Variants in SLC9A8 observed in about 807,000 individuals in gnomAD.
SLC9A8 encodes solute carrier family 9 member A8.
In SLC9A8, 48 loss-of-function variants were observed where a neutral mutation model predicts 66.6. The ratio of observed to expected loss-of-function variants is 0.72; its 90% CI spans 0.57 to 0.92. The LOEUF is 0.92. Ranked by LOEUF, SLC9A8 falls within the 40% of genes least tolerant of loss-of-function variation. SLC9A8 has a pLI of 0.00. For synonymous variants in SLC9A8, 274 were observed against 282.6 expected, an observed-to-expected ratio of 0.97 and a Z score of 0.31; for missense variants, 599 against 747.3, an observed-to-expected ratio of 0.80 and a Z score of 2.31.
intron 10 of SLC9A8, among the ~76,000 whole-genome samples, chr20:49,871,336 A>G (rs1178844633): frequency 1.3e-5 from 2 of 152,142 alleles, no homozygotes; most frequent in African/African-American, 4.8e-5. Flanking sequence ...TACATCTAGA[A>G]CAGTGGATGT....
intron 10 of SLC9A8, among the ~76,000 whole-genome samples, chr20:49,866,263 GT>G (rs2088960425): frequency 6.6e-6 from 1 of 152,176 alleles, no homozygotes; most frequent in Non-Finnish European, 1.5e-5. Flanking sequence ...TGTGGCAGTA[GT>G]TTATCGTTCT....
At chr20:49,887,735 C>A in intron 15 of SLC9A8, 94 bp from the exon 16 acceptor site, 2 of 948,782 alleles carry the variant, frequency 2.1e-6, no homozygotes, top group East Asian at 2.6e-5. Context: ...CACCTCCTCC[C>A]TAGACACCCC....
Position 49,868,493 on chromosome 20 carries a change from G to A in SLC9A8, c.958+3649G>A, listed in dbSNP as rs981040514. On this transcript the variant is annotated intron_variant, in intron 10 of 15. Coordinates refer to ENST00000361573, the MANE Select transcript of SLC9A8 (RefSeq NM_015266.3). ...TTCTGCTGTCTTCACCTTCCTTTGT[G>A]TGCTCCCCTTTTCCTGACTATCACA... 3.3e-5 allele frequency among the ~76,000 whole-genome samples: 5 copies of A among 152,332 alleles called. No individual in the cohort carries two copies. In the East Asian group the frequency reaches 9.6e-4, roughly 29 times the overall value.
chr20:49,849,595 A>G lies in SLC9A8; in HGVS notation c.449A>G (p.Asn150Ser). Residue 150 changes from asparagine (N) to serine (S), a missense_variant, in exon 6 of 16, where the codon AAT becomes AGT. Coordinates refer to ENST00000361573, the MANE Select transcript of SLC9A8 (RefSeq NM_015266.3). ...TTCAAACAGGGTAACTTCTTTCAAAATATTGGTTCCATCACCCTGTTTGCT... is the reference window on the plus strand; with the variant it reads ...TTCAAACAGGGTAACTTCTTTCAAAGTATTGGTTCCATCACCCTGTTTGCT... The part of the protein sequence containing the change: ...YSLHKGNFFQ[N>S]IGSITLFAVF... The G allele has an allele frequency of 6.2e-7, 1 of 1,613,336 alleles. No homozygotes were observed. The highest frequency in any genetic ancestry group is 8.5e-7 in the Non-Finnish European group (1 of 1,179,290).
intron 3 of SLC9A8, among the ~76,000 whole-genome samples, chr20:49,837,586 T>G (rs1234504129): frequency 1.3e-5 from 2 of 152,204 alleles, no homozygotes; most frequent in African/African-American, 4.8e-5. Context: ...ATATAATATT[T>G]TGAGTTGGAG....
At chr20:49,861,885 G>A (rs1388345001) in intron 8 of SLC9A8, among the ~76,000 whole-genome samples, 1 of 151,942 alleles carries the variant, frequency 6.6e-6, no homozygotes, top group Non-Finnish European at 1.5e-5. Context: ...CTGAAACCTC[G>A]GACATTTCTT....
chr20:49,834,175 CTCTCTCTCTCTATATATATA>C (rs1402657589), intron 3 of SLC9A8, among the ~76,000 whole-genome samples: 37 of 57,958 alleles, frequency 6.4e-4, no homozygotes, highest in Middle Eastern at 8.5e-3. Flanking sequence ...CTCTCTCTCT[CTCTCTCTCTCTATATATATA>C]TATATATATA....
At chr20:49,841,969 G>T (rs930185142) in intron 4 of SLC9A8, among the ~76,000 whole-genome samples, 27 of 151,784 alleles carry the variant, frequency 1.8e-4, no homozygotes, top group African/African-American at 5.8e-4. Context: ...CGAGCTCCTG[G>T]GCTCAAGTGA....
intron 3 of SLC9A8, among the ~76,000 whole-genome samples, chr20:49,836,615 C>T (rs2087546538): frequency 6.6e-6 from 1 of 152,170 alleles, no homozygotes; most frequent in Non-Finnish European, 1.5e-5. Flanking sequence ...GTGTGAGCCA[C>T]CACACCTGGC....
intron 13 of SLC9A8, among the ~76,000 whole-genome samples, chr20:49,881,767 AC>A (rs1475698268): frequency 6.6e-6 from 1 of 152,170 alleles, no homozygotes; most frequent in Non-Finnish European, 1.5e-5. Flanking sequence ...ATATATATGT[AC>A]GTATGTGTAT....
chr20:49,881,172 G>A, intron 13 of SLC9A8, 137 bp downstream of exon 13: 1 of 643,292 alleles, frequency 1.6e-6, no homozygotes, highest in Non-Finnish European at 2.8e-6. Context: ...GGCACCCACT[G>A]CAATCAAGAT....
In SLC9A8 at chr20:49,886,645, A is replaced by C. The variant is rs1351326082; in HGVS notation, c.1492-107A>C. On this transcript the variant is annotated intron_variant, in intron 14 of 15. Transcript: ENST00000361573. This position sits in a 1 kb window ranked among gnomAD's most constrained non-coding sequence, Gnocchi z 4.8. ...TCACCCTGCATTGATGGTCAAGTGG[A>C]GTTAGGGTTGGGGACACTGGCGGCC... is the stretch of plus-strand genomic sequence containing the variant. 1.5e-6 allele frequency: 2 copies of C among 1,304,556 alleles called. No homozygotes were observed. Among genetic ancestry groups the C allele is most frequent in the Non-Finnish European group, 2.1e-6 (2 of 943,070 alleles). 80.8% of individuals were successfully genotyped at this position (1,304,556 alleles called of 1,614,324 possible).
At chr20:49,820,351 G>T (rs563589278) in intron 2 of SLC9A8, among the ~76,000 whole-genome samples, 1 of 151,388 alleles carries the variant, frequency 6.6e-6, no homozygotes, top group Non-Finnish European at 1.5e-5. Context: ...TTAGCTGGGT[G>T]TGGGCGTGGT....
chr20:49,871,257 C>T (rs1208832010), intron 10 of SLC9A8, among the ~76,000 whole-genome samples: 1 of 152,184 alleles, frequency 6.6e-6, no homozygotes, highest in African/African-American at 2.4e-5. Flanking sequence ...AGGCACGGTA[C>T]AGTGTAAATT....
chr20:49,857,180 G>A (rs1177096649), intron 8 of SLC9A8, among the ~76,000 whole-genome samples: 1 of 152,152 alleles, frequency 6.6e-6, no homozygotes, highest in Non-Finnish European at 1.5e-5. Context: ...AAAGCACGTG[G>A]AGAAAAGAGC....
intron 9 of SLC9A8, among the ~76,000 whole-genome samples, chr20:49,863,616 T>C (rs890354146): frequency 6.6e-6 from 1 of 152,222 alleles, no homozygotes; most frequent in African/African-American, 2.4e-5. Flanking sequence ...ACTGAAAGTG[T>C]TTATCCAGAA....
At chr20:49,863,450 C>T (rs564145897) in intron 9 of SLC9A8, among the ~76,000 whole-genome samples, 48 of 152,312 alleles carry the variant, frequency 3.2e-4, no homozygotes, top group African/African-American at 1.2e-3. Context: ...TGCAGTGGCT[C>T]ATGCCTGTAA....
In SLC9A8 at chr20:49,890,604, G is replaced by A. The variant is rs1217897013; in HGVS notation, c.*2668G>A. On this transcript the variant is annotated 3_prime_UTR_variant, in exon 16 of 16. Transcript: ENST00000361573. The stretch of plus-strand genomic sequence containing the variant: ...AATCCCATGCTTTCTGCAGCCTGTA[G>A]TTGTTATGACCCCTCGGAACAACCA... 1 of 152,254 alleles carries A rather than the reference G, an allele frequency of 6.6e-6. No homozygotes were observed. The highest frequency in any genetic ancestry group is 1.9e-4 in the East Asian group (1 of 5,196). 9.4% of individuals were successfully genotyped at this position (152,254 alleles called of 1,614,324 possible).
At chr20:49,823,368 T>C (rs1219624814) in intron 3 of SLC9A8, among the ~76,000 whole-genome samples, 1 of 152,178 alleles carries the variant, frequency 6.6e-6, no homozygotes, top group Non-Finnish European at 1.5e-5. Context: ...CCAAAGGCCA[T>C]ACAGCTCTGT....
Sources: allele counts gnomAD v4.1 joint callset (sites outside exome capture counted in the v4.1 genomes callset), GRCh38; gene constraint gnomAD v4.1.1; non-coding constraint Gnocchi (gnomAD v3.1); transcripts MANE v1.5; gene names NCBI Gene and HGNC (gene_info 2026-07-23, HGNC 2026-07-21).